The following BMP2K variants were observed in gnomAD, a reference collection of about 807,000 sequenced individuals.
BMP2K encodes the protein BMP2 inducible kinase.
Under a neutral mutation model 116.0 loss-of-function variants are expected in BMP2K, and 74 were observed. The observed-to-expected ratio is 0.64, with a 90% CI of 0.53 to 0.77. The LOEUF is 0.77. BMP2K is among the 30% of genes least tolerant of loss of function. The probability of loss-of-function intolerance (pLI) is 0.00; values close to 1 mark genes in which losing one functional copy is unlikely to be tolerated. For missense variants in BMP2K, 1,365 were observed against 1,403.6 expected, an observed-to-expected ratio of 0.97 and a Z score of 0.44; for synonymous variants, 486 against 502.5, an observed-to-expected ratio of 0.97 and a Z score of 0.44.
Position 78,870,983 on chromosome 4 carries a change from C to T in BMP2K, c.1432C>T (p.Gln478Ter). The T allele has an allele frequency of 6.9e-7, 1 of 1,439,156 alleles. No homozygotes were observed. The highest frequency in any genetic ancestry group is 1.1e-5 in the South Asian group (1 of 87,428). The allele number at this position is 1,439,156 out of a possible 1,614,324, so 89.1% of individuals were successfully genotyped here. A position where few individuals can be genotyped will look rare whatever the true frequency, so the allele number is the denominator to read the frequency against. The part of the protein sequence containing the change: ...QQQQQQQQQQ[Q>*]QQQQQQQQHH... The stretch of plus-strand genomic sequence containing the variant: ...GCAACAGCAGCAGCAGCAACAGCAA[C>T]AGCAGCAGCAGCAGCAGCAGCAGCA... Residue 478 changes from glutamine (Q) to a stop codon, truncating the protein, a stop_gained, in exon 11 of 16, where the codon CAG becomes TAG. Coordinates refer to ENST00000502613, the MANE Select transcript of BMP2K (RefSeq NM_198892.2). LOFTEE classifies it high-confidence loss of function.
At chr4:78,895,949 A>G (rs976645169) in intron 15 of BMP2K, among the ~76,000 whole-genome samples, 7 of 152,036 alleles carry the variant, frequency 4.6e-5, no homozygotes, top group Admixed American at 6.6e-5. Flanking sequence ...TTTAGTAGAG[A>G]CAAGGTCTCG....
At chr4:78,854,233 T>G (rs1469225351) in intron 7 of BMP2K, among the ~76,000 whole-genome samples, 1 of 149,814 alleles carries the variant, frequency 6.7e-6, no homozygotes, top group African/African-American at 2.4e-5. Context: ...ATCTTTGCTC[T>G]TAAGAGCTCA....
At chr4:78,791,560 TC>T (rs1727998957) in intron 1 of BMP2K, among the ~76,000 whole-genome samples, 2 of 133,756 alleles carry the variant, frequency 1.5e-5, no homozygotes, top group South Asian at 5.2e-4. Context: ...CAGAAAATTT[TC>T]ATCATTTTAA....
At position 78,870,846 on chromosome 4, in the gene BMP2K, C is replaced by T. The variant is rs747123204; in HGVS notation, c.1295C>T (p.Pro432Leu). 6.2e-7 allele frequency: 1 copy of T among 1,613,974 alleles called. No individual in the cohort carries two copies. Among genetic ancestry groups the T allele is most frequent in the African/African-American group, 1.3e-5 (1 of 74,954 alleles). The change falls in exon 11 of 16, where the codon CCA becomes CTA. Residue 432 changes from proline (P) to leucine (L), a missense_variant. Coordinates refer to ENST00000502613, the MANE Select transcript of BMP2K (RefSeq NM_198892.2). ...GGTCAGGGACCTCCTCAGCAGCCGCCACAGCAGCATAGAGTACTCCAGCAA... is the reference window on the plus strand; with the variant it reads ...GGTCAGGGACCTCCTCAGCAGCCGCTACAGCAGCATAGAGTACTCCAGCAA... ...LLGQGPPQQPPQQHRVLQQLQ... is the reference protein window; with the variant it reads ...LLGQGPPQQPLQQHRVLQQLQ...
chr4:78,781,407 A>G (rs1727496078), intron 1 of BMP2K, among the ~76,000 whole-genome samples: 1 of 152,080 alleles, frequency 6.6e-6, no homozygotes, highest in Admixed American at 6.6e-5. Context: ...CCGTTTGGGA[A>G]CATAAGGAAG....
At chr4:78,784,001 T>C (rs1210337891) in intron 1 of BMP2K, among the ~76,000 whole-genome samples, 1 of 151,960 alleles carries the variant, frequency 6.6e-6, no homozygotes, top group Non-Finnish European at 1.5e-5. Flanking sequence ...TGTTAGTATG[T>C]TTCATCATGG....
intron 3 of BMP2K, among the ~76,000 whole-genome samples, chr4:78,835,468 AC>A (rs1168851678): frequency 6.6e-6 from 1 of 151,766 alleles, no homozygotes; most frequent in Non-Finnish European, 1.5e-5. Flanking sequence ...TACTAAAAAT[AC>A]AAAAAAAAAG....
intron 1 of BMP2K, among the ~76,000 whole-genome samples, chr4:78,785,343 C>G (rs114177365): frequency 2.0e-5 from 3 of 152,056 alleles, no homozygotes; most frequent in African/African-American, 7.3e-5. Flanking sequence ...AACTTCTGAC[C>G]TCAGGTGATC....
intron 2 of BMP2K, among the ~76,000 whole-genome samples, chr4:78,831,945 A>G (rs1429298190): frequency 2.0e-5 from 3 of 152,160 alleles, no homozygotes; most frequent in African/African-American, 4.8e-5. Flanking sequence ...ACACAAGCAC[A>G]GACACAGGTG....
At chr4:78,836,445 T>C (rs1469650201) in intron 3 of BMP2K, among the ~76,000 whole-genome samples, 1 of 152,004 alleles carries the variant, frequency 6.6e-6, no homozygotes, top group Admixed American at 6.6e-5. Flanking sequence ...AAAATAATTA[T>C]GCAGTATGTT....
chr4:78,802,097 C>A (rs769890289), intron 1 of BMP2K, among the ~76,000 whole-genome samples: 13 of 152,180 alleles, frequency 8.5e-5, no homozygotes, highest in Non-Finnish European at 1.8e-4. Context: ...TCGATATAGA[C>A]TTCTCTGCAG....
intron 1 of BMP2K, among the ~76,000 whole-genome samples, chr4:78,785,763 T>C (rs1469120358): frequency 6.6e-6 from 1 of 152,260 alleles, no homozygotes; most frequent in African/African-American, 2.4e-5. Flanking sequence ...TTTCCAATGC[T>C]GTCAGCCCTA....
At chr4:78,889,729 C>T (rs1305710005) in intron 15 of BMP2K, among the ~76,000 whole-genome samples, 1 of 152,142 alleles carries the variant, frequency 6.6e-6, no homozygotes, top group Non-Finnish European at 1.5e-5. Context: ...AAAAACTACT[C>T]CCAGGTGTAT....
chr4:78,879,137 A>G, intron 14 of BMP2K: 1 of 1,198,070 alleles, frequency 8.3e-7, no homozygotes. Flanking sequence ...AAACTTAAAT[A>G]TTGCATATCT....
chr4:78,878,316 TTTTAC>T (rs1732728622), intron 13 of BMP2K, among the ~76,000 whole-genome samples: 1 of 152,140 alleles, frequency 6.6e-6, no homozygotes. Flanking sequence ...GTGACTGATT[TTTTAC>T]TTTAAGTCTT....
chr4:78,845,208 C>T (rs911361258), intron 5 of BMP2K, among the ~76,000 whole-genome samples, 159 bp downstream of exon 5: 1 of 151,414 alleles, frequency 6.6e-6, no homozygotes, highest in African/African-American at 2.4e-5. Context: ...TGATCTAGCT[C>T]AGTAGGAAAT....
chr4:78,915,078 GA>G lies in BMP2K; in HGVS notation c.*3046del, dbSNP rs1016113527. ...GTGGAGGAGGAAAGGTTGTAGGCCG[GA>G]TGAAAATTTAACTGACTAGAACATT... On this transcript the variant is annotated 3_prime_UTR_variant, in exon 16 of 16. Coordinates refer to ENST00000502613, the MANE Select transcript of BMP2K (RefSeq NM_198892.2). The G allele has an allele frequency of 4.6e-5, 7 of 151,938 alleles. No homozygotes were observed. Among genetic ancestry groups the G allele is most frequent in the Non-Finnish European group, 8.8e-5 (6 of 67,914 alleles). The allele number at this position is 151,938 out of a possible 1,614,324, so 9.4% of individuals were successfully genotyped here. A position where few individuals can be genotyped will look rare whatever the true frequency, so the allele number is the denominator to read the frequency against.
chr4:78,849,615 T>TA (rs1250242777), intron 6 of BMP2K, among the ~76,000 whole-genome samples: 1 of 151,590 alleles, frequency 6.6e-6, no homozygotes. Context: ...TAAGTGTTGT[T>TA]AAGGGAGTCT....
Position 78,832,742 on chromosome 4 carries a change from T to G in BMP2K, c.298-840T>G, listed in dbSNP as rs116626379. 4.5e-3 allele frequency among the ~76,000 whole-genome samples: 681 copies of G among 152,174 alleles called. 2 individuals are homozygous for G. The highest frequency in any genetic ancestry group is 0.015 in the African/African-American group (644 of 41,568). ...AAATCTTGTGCTTTTGAACATTTTT[T>G]AGGGAGATTAGTTCTTTAGAATGGT... On this transcript the variant is annotated intron_variant, in intron 2 of 15. Coordinates refer to ENST00000502613, the MANE Select transcript of BMP2K (RefSeq NM_198892.2).
Sources: allele counts gnomAD v4.1 joint callset (sites outside exome capture counted in the v4.1 genomes callset), GRCh38; gene constraint gnomAD v4.1.1; transcripts MANE v1.5; gene names NCBI Gene and HGNC (gene_info 2026-07-23, HGNC 2026-07-21).